Variants in SLC8A2 observed in about 807,000 individuals in gnomAD.
SLC8A2 encodes solute carrier family 8 member A2.
A neutral mutation model predicts 70.2 loss-of-function variants in SLC8A2; 14 were observed. That is an observed-to-expected ratio of 0.20 (90% CI 0.13 to 0.31). SLC8A2 has a LOEUF of 0.31. SLC8A2 is among the 10% of genes least tolerant of loss of function. The pLI, the probability that SLC8A2 is intolerant of heterozygous loss-of-function variation, is 1.00. For synonymous variants in SLC8A2, 575 were observed against 594.3 expected, an observed-to-expected ratio of 0.97 and a Z score of 0.47; for missense variants, 779 against 1,320.1, an observed-to-expected ratio of 0.59 and a Z score of 6.35.
Position 47,457,175 on chromosome 19 carries a change from C to T in SLC8A2, c.1095G>A (p.Gly365=). The T allele has an allele frequency of 6.5e-7, 1 of 1,544,420 alleles. No homozygotes were observed. Among genetic ancestry groups the T allele is most frequent in the South Asian group, 1.2e-5 (1 of 83,302 alleles). Residue 365 remains glycine (G), a synonymous_variant, in exon 3 of 10, where the codon GGG becomes GGA. Coordinates refer to ENST00000236877, the MANE Select transcript of SLC8A2 (RefSeq NM_015063.3). ...CCGCCGCGTGTCTGCGCAGCACGTT[C>T]CCGGCGCCGGTCATCAGCCGCGTGG... ...IQATRLMTGA[G]NVLRRHAADA...
chr19:47,436,417 G>T (rs1020377716), intron 8 of SLC8A2, among the ~76,000 whole-genome samples: 3 of 152,230 alleles, frequency 2.0e-5, no homozygotes, highest in African/African-American at 7.2e-5. Context: ...GGGCCCAGAA[G>T]ATCCCTCAGA....
intron 6 of SLC8A2, among the ~76,000 whole-genome samples, chr19:47,438,434 G>A (rs558356564): frequency 6.6e-6 from 1 of 152,174 alleles, no homozygotes; most frequent in South Asian, 2.1e-4. Context: ...ACCCTGATAG[G>A]GGAGGCCTGG....
chr19:47,453,171 G>C lies in SLC8A2; in HGVS notation c.1340+3759C>G, dbSNP rs1393891612. Among the ~76,000 whole-genome samples, 3 of 152,228 alleles carry C rather than the reference G, an allele frequency of 2.0e-5. No homozygotes were observed. In the East Asian group the frequency reaches 5.8e-4, roughly 29 times the overall value. ...TTAGGGTTCTCAGAGATCACGTTTAGTTTGGAGAAACTAAGGCTCACAGGT... is the reference window on the plus strand; with the variant it reads ...TTAGGGTTCTCAGAGATCACGTTTACTTTGGAGAAACTAAGGCTCACAGGT... On this transcript the variant is annotated intron_variant, in intron 3 of 9. Coordinates refer to ENST00000236877, the MANE Select transcript of SLC8A2 (RefSeq NM_015063.3).
At chr19:47,451,852 G>C (rs896062459) in intron 3 of SLC8A2, among the ~76,000 whole-genome samples, 2 of 152,158 alleles carry the variant, frequency 1.3e-5, no homozygotes, top group Non-Finnish European at 2.9e-5. Context: ...ATCTTCAAAA[G>C]CATCAGGTCA....
Position 47,429,806 on chromosome 19 carries a change from G to A in SLC8A2, c.*283C>T, listed in dbSNP as rs1187034752. ...GTGGTTCCCTGGGGAGGGGACTGGG[G>A]TGGAAATTTCCCCAGGGATATAGAC... On this transcript the variant is annotated 3_prime_UTR_variant, in exon 10 of 10. Coordinates refer to ENST00000236877, the MANE Select transcript of SLC8A2 (RefSeq NM_015063.3). 1.9e-6 allele frequency: 1 copy of A among 529,944 alleles called. No homozygotes were observed. Among genetic ancestry groups the A allele is most frequent in the Non-Finnish European group, 3.3e-6 (1 of 299,848 alleles). The allele number at this position is 529,944 out of a possible 1,614,324, so 32.8% of individuals were successfully genotyped here. A position where few individuals can be genotyped will look rare whatever the true frequency, so the allele number is the denominator to read the frequency against.
rs958395098 is a variant in SLC8A2, at chr19:47,468,292, C to T, written c.-16-1873G>A. ...CCTGCTGTTCCCCCTTCCTCGAACACGCTTCTCTATTTATGTATTTTTGAG... is the reference window on the plus strand; with the variant it reads ...CCTGCTGTTCCCCCTTCCTCGAACATGCTTCTCTATTTATGTATTTTTGAG... On this transcript the variant is annotated intron_variant, in intron 1 of 9. Coordinates refer to ENST00000236877, the MANE Select transcript of SLC8A2 (RefSeq NM_015063.3). This position sits in a 1 kb window ranked among gnomAD's most constrained non-coding sequence, Gnocchi z 5.1. 3.9e-5 allele frequency among the ~76,000 whole-genome samples: 6 copies of T among 152,070 alleles called. No homozygotes were observed. Among genetic ancestry groups the T allele is most frequent in the African/African-American group, 9.7e-5 (4 of 41,414 alleles).
chr19:47,468,176 C>T lies in SLC8A2; in HGVS notation c.-16-1757G>A, dbSNP rs1440681134. 6.6e-6 allele frequency among the ~76,000 whole-genome samples: 1 copy of T among 152,024 alleles called. No individual in the cohort carries two copies. Among genetic ancestry groups the T allele is most frequent in the Non-Finnish European group, 1.5e-5 (1 of 67,980 alleles). On this transcript the variant is annotated intron_variant, in intron 1 of 9. Coordinates refer to ENST00000236877, the MANE Select transcript of SLC8A2 (RefSeq NM_015063.3). This position sits in a 1 kb window ranked among gnomAD's most constrained non-coding sequence, Gnocchi z 5.1. ...TCCCTCTCTGGCCTCTTTTCCCACC[C>T]TCTCCCCCTTGCCCAGTCTGCCTCA... is the stretch of plus-strand genomic sequence containing the variant.
chr19:47,430,202 G>T lies in SLC8A2; in HGVS notation c.2653C>A (p.Leu885Met). Residue 885 changes from leucine to methionine, a missense_variant, in exon 10 of 10, where the codon CTG (leucine) becomes ATG (methionine). This residue lies in a region of SLC8A2 where 108 missense variants were observed against 269.6 expected (regional missense o/e 0.40). Transcript: ENST00000236877. This position sits in a 1 kb window ranked among gnomAD's most constrained non-coding sequence, Gnocchi z 5.9. ...YRRRPHIGGELGGPRGPKLAT... is the reference protein window; with the variant it reads ...YRRRPHIGGEMGGPRGPKLAT... The stretch of plus-strand genomic sequence containing the variant: ...AGCTTGGGTCCGCGCGGGCCGCCCA[G>T]CTCGCCGCCGATGTGCGGCCGGCGC... 1 of 1,604,490 alleles carries T rather than the reference G, an allele frequency of 6.2e-7. No homozygotes were observed. Among genetic ancestry groups the T allele is most frequent in the Non-Finnish European group, 8.5e-7 (1 of 1,175,560 alleles).
intron 1 of SLC8A2, among the ~76,000 whole-genome samples, chr19:47,471,584 G>C (rs923931785): frequency 6.6e-6 from 1 of 151,996 alleles, no homozygotes; most frequent in African/African-American, 2.4e-5. Context: ...AGCCGCCCGA[G>C]AACCAGGAGG....
intron 1 of SLC8A2, among the ~76,000 whole-genome samples, chr19:47,470,812 C>T (rs1008141793): frequency 6.6e-6 from 1 of 152,116 alleles, no homozygotes; most frequent in African/African-American, 2.4e-5. Flanking sequence ...GGCCTCAGAA[C>T]GCCAGAAACA....
chr19:47,446,206 C>A (rs1967160192), intron 4 of SLC8A2, among the ~76,000 whole-genome samples: 1 of 138,742 alleles, frequency 7.2e-6, no homozygotes, highest in African/African-American at 2.7e-5. Flanking sequence ...GTGGGCGGCA[C>A]GGAGGAGGGA....
intron 2 of SLC8A2, among the ~76,000 whole-genome samples, chr19:47,462,943 A>G (rs1278986806): frequency 6.6e-6 from 1 of 152,082 alleles, no homozygotes; most frequent in Non-Finnish European, 1.5e-5. Context: ...CTGCAAATAC[A>G]CTTGTTTTAA....
chr19:47,441,548 TC>T, intron 4 of SLC8A2, 108 bp from the exon 5 acceptor site: 1 of 649,070 alleles, frequency 1.5e-6, no homozygotes. Context: ...ACCTCCTCTG[TC>T]CCAGACTCCA....
Position 47,447,988 on chromosome 19 carries a change from C to G in SLC8A2, c.1584G>C (p.Gln528His). 2.6e-6 allele frequency: 4 copies of G among 1,561,442 alleles called. No homozygotes were observed. The highest frequency in any genetic ancestry group is 3.5e-6 in the Non-Finnish European group (4 of 1,152,704). The change falls in exon 4 of 10, where the codon CAG becomes CAC. Residue 528 changes from glutamine (Q) to histidine (H), a missense_variant. Around this residue, in one of 6 missense-constraint regions of SLC8A2, gnomAD observed 247 missense variants for 362.8 expected, o/e 0.68. Transcript: ENST00000236877. This position sits in a 1 kb window ranked among gnomAD's most constrained non-coding sequence, Gnocchi z 5.1. ...DDDHAGIFSFQDRLLHVSECM... is the reference protein window; with the variant it reads ...DDDHAGIFSFHDRLLHVSECM... Reference sequence around the variant, plus strand: ...ACTCGCTCACGTGCAGCAGGCGGTCCTGGAAGGAGAAGATGCCTGCGTGGT... The same window carrying G: ...ACTCGCTCACGTGCAGCAGGCGGTCGTGGAAGGAGAAGATGCCTGCGTGGT...
chr19:47,439,694 C>T (rs1185040527), intron 6 of SLC8A2, among the ~76,000 whole-genome samples: 3 of 149,210 alleles, frequency 2.0e-5, no homozygotes, highest in East Asian at 2.0e-4. Context: ...GATGGAGTCT[C>T]GCTCTGTCAC....
In SLC8A2 at chr19:47,447,954, T is replaced by G; in HGVS notation, c.1618A>C (p.Thr540Pro). The G allele has an allele frequency of 6.4e-7, 1 of 1,561,978 alleles. No homozygotes were observed. Among genetic ancestry groups the G allele is most frequent in the Non-Finnish European group, 8.7e-7 (1 of 1,153,286 alleles). Residue 540 changes from threonine (T) to proline (P), a missense_variant, in exon 4 of 10, where the codon ACC (threonine) becomes CCC (proline). This residue lies in a region of SLC8A2 where 247 missense variants were observed against 362.8 expected (regional missense o/e 0.68). Coordinates refer to ENST00000236877, the MANE Select transcript of SLC8A2 (RefSeq NM_015063.3). This position sits in a 1 kb window ranked among gnomAD's most constrained non-coding sequence, Gnocchi z 5.1. The stretch of plus-strand genomic sequence containing the variant: ...CTGCGCACGACGCGCACGTCCACGG[T>G]GCCCATGCACTCGCTCACGTGCAGC... Reference protein sequence around the residue: ...RLLHVSECMGTVDVRVVRSSG... With the variant: ...RLLHVSECMGPVDVRVVRSSG...
intron 6 of SLC8A2, among the ~76,000 whole-genome samples, chr19:47,439,603 C>CTTCCTTCCTTTCTTTCTTCCTTCCT: frequency 1.5e-5 from 1 of 68,548 alleles, no homozygotes; most frequent in African/African-American, 8.4e-5. Context: ...TCTCTTCTCC[C>CTTCCTTCCTTTCTTTCTTCCTTCCT]TCCTTCCTTC....
chr19:47,462,738 C>A (rs1273133475), intron 2 of SLC8A2, among the ~76,000 whole-genome samples: 2 of 151,804 alleles, frequency 1.3e-5, no homozygotes, highest in African/African-American at 4.8e-5. Flanking sequence ...CAGGCGCCTG[C>A]CACCATGCCC....
chr19:47,435,012 C>G (rs1334300007), intron 8 of SLC8A2, among the ~76,000 whole-genome samples: 2 of 152,102 alleles, frequency 1.3e-5, no homozygotes, highest in Non-Finnish European at 2.9e-5. Flanking sequence ...AGTTCAAGAC[C>G]AGTCCGGCCA....
Sources: gnomAD v4.1 joint callset for allele counts (sites outside exome capture counted in the v4.1 genomes callset) on GRCh38, gnomAD v4.1.1 for gene constraint, gnomAD v4.1.1 regional missense constraint, Gnocchi (gnomAD v3.1) non-coding constraint, MANE v1.5 for transcripts, NCBI Gene and HGNC (gene_info 2026-07-23, HGNC 2026-07-21) for gene names.